The following RHOBTB1 variants were observed in gnomAD, a reference collection of about 807,000 sequenced individuals.
RHOBTB1 encodes the protein Rho related BTB domain containing 1.
RHOBTB1 carries 40 observed loss-of-function variants against 71.6 expected under a neutral mutation model. The ratio of observed to expected loss-of-function variants is 0.56; its 90% CI spans 0.43 to 0.73. The LOEUF (loss-of-function observed/expected upper bound fraction) is 0.73, where lower values mean the gene tolerates loss of function less well. Ranked by LOEUF, RHOBTB1 falls within the 30% of genes least tolerant of loss-of-function variation. RHOBTB1 has a pLI of 0.00. For missense variants in RHOBTB1, 797 were observed against 894.0 expected, an observed-to-expected ratio of 0.89 and a Z score of 1.38; for synonymous variants, 319 against 334.9, an observed-to-expected ratio of 0.95 and a Z score of 0.52.
chr10:60,919,335 A>AC (rs57642119), intron 2 of RHOBTB1, among the ~76,000 whole-genome samples: 83,606 of 152,014 alleles, frequency 0.55, 23,280 homozygotes, highest in East Asian at 0.77. Context: ...ATTGACAGGA[A>AC]AAAAGGAAAA....
chr10:60,873,169 G>A (rs548075817), intron 9 of RHOBTB1, among the ~76,000 whole-genome samples: 1 of 152,334 alleles, frequency 6.6e-6, no homozygotes, highest in South Asian at 2.1e-4. Context: ...TTTAGCTGGT[G>A]CTTCCAACTT....
At chr10:60,903,366 A>G (rs12252953) in intron 4 of RHOBTB1, among the ~76,000 whole-genome samples, 22,046 of 152,120 alleles carry the variant, frequency 0.14, 2,622 homozygotes, top group African/African-American at 0.33. Context: ...TCTCATGCCC[A>G]TGAGTCTAGT....
chr10:60,971,207 A>G (rs1411623660), intron 2 of RHOBTB1, among the ~76,000 whole-genome samples: 1 of 152,062 alleles, frequency 6.6e-6, no homozygotes, highest in African/African-American at 2.4e-5. Flanking sequence ...ACTGGTTCCA[A>G]AATAGCTGAA....
At chr10:60,903,186 C>T (rs1221829163) in intron 4 of RHOBTB1, among the ~76,000 whole-genome samples, 1 of 152,106 alleles carries the variant, frequency 6.6e-6, no homozygotes, top group Non-Finnish European at 1.5e-5. Context: ...TAGTGATTAG[C>T]TAGCTTGAGA....
intron 2 of RHOBTB1, among the ~76,000 whole-genome samples, chr10:60,939,699 C>T (rs1312040713): frequency 6.6e-6 from 1 of 152,124 alleles, no homozygotes; most frequent in African/African-American, 2.4e-5. Flanking sequence ...CAGAGGGAAA[C>T]GTGAATGGCC....
upstream of RHOBTB1, among the ~76,000 whole-genome samples, chr10:61,001,801 C>A (rs1428648369): frequency 2.0e-5 from 3 of 152,226 alleles, no homozygotes; most frequent in Non-Finnish European, 4.4e-5. Flanking sequence ...CCAGTGCCTG[C>A]GGCCTCGCCA....
intron 8 of RHOBTB1, chr10:60,877,237 C>T (rs1018397973): frequency 6.6e-6 from 1 of 152,172 alleles, no homozygotes; most frequent in Admixed American, 6.5e-5. Flanking sequence ...CCTTTTTTCT[C>T]TTTCTCCCAA....
At chr10:60,923,757 C>T (rs990698291) in intron 2 of RHOBTB1, among the ~76,000 whole-genome samples, 24 of 152,128 alleles carry the variant, frequency 1.6e-4, no homozygotes, top group African/African-American at 5.8e-4. Context: ...GGGATAGTGA[C>T]TAAGTCTCAC....
intron 2 of RHOBTB1, among the ~76,000 whole-genome samples, chr10:60,938,609 T>C (rs1270282928): frequency 6.6e-6 from 1 of 152,206 alleles, no homozygotes; most frequent in Non-Finnish European, 1.5e-5. Context: ...AAAAATGTTG[T>C]GTAGTTCAAA....
chr10:60,976,310 AT>A (rs1338448987), intron 2 of RHOBTB1, among the ~76,000 whole-genome samples: 1 of 151,560 alleles, frequency 6.6e-6, no homozygotes, highest in Admixed American at 6.6e-5. Flanking sequence ...TTTTGACTAT[AT>A]GTATATATAT....
At chr10:60,923,024 C>T (rs1472641028) in intron 2 of RHOBTB1, among the ~76,000 whole-genome samples, 1 of 152,186 alleles carries the variant, frequency 6.6e-6, no homozygotes. Context: ...TGCTTGTCTG[C>T]TCTGGAACTG....
Position 60,911,470 on chromosome 10 carries a change from C to T in RHOBTB1, c.73G>A (p.Val25Met), listed in dbSNP as rs773825770. Residue 25 changes from valine to methionine, a missense_variant, in exon 3 of 11, where the codon GTG (valine) becomes ATG (methionine). This residue lies in a region of RHOBTB1 where 139 missense variants were observed against 212.5 expected (regional missense o/e 0.65). Coordinates refer to ENST00000337910, the MANE Select transcript of RHOBTB1 (RefSeq NM_014836.5). ...IKCVVVGDNA[V>M]GKTRLICARA... is the part of the protein sequence containing the mutation. The stretch of plus-strand genomic sequence containing the variant: ...GCACAGATCAAGCGCGTCTTCCCCA[C>T]GGCATTGTCACCCACGACCACACAT... 6.2e-6 allele frequency: 10 copies of T among 1,614,212 alleles called. No homozygotes were observed. Among genetic ancestry groups the T allele is most frequent in the South Asian group, 1.1e-5 (1 of 91,086 alleles).
intron 1 of RHOBTB1, among the ~76,000 whole-genome samples, chr10:60,943,485 G>T (rs1358808123): frequency 1.3e-5 from 2 of 152,128 alleles, no homozygotes; most frequent in African/African-American, 4.8e-5. Context: ...CCATAGACAC[G>T]GGGTTGCGGG....
rs896229034 is a variant in RHOBTB1, at chr10:60,935,208, T to C, written c.-11+6596A>G. Among the ~76,000 whole-genome samples, 11 of 152,182 alleles carry C rather than the reference T, an allele frequency of 7.2e-5. 1 individual carries two copies. Among genetic ancestry groups the C allele is most frequent in the Non-Finnish European group, 4.4e-5 (3 of 68,026 alleles). On this transcript the variant is annotated intron_variant, in intron 2 of 10. Coordinates refer to ENST00000337910, the MANE Select transcript of RHOBTB1 (RefSeq NM_014836.5). ...ACATTATGGATGAATCTCACAAACA[T>C]AATATTGAAGCCAGGCACAAAAGAA...
intron 2 of RHOBTB1, among the ~76,000 whole-genome samples, chr10:60,920,764 C>T (rs1014999557): frequency 6.6e-6 from 1 of 151,958 alleles, no homozygotes. Flanking sequence ...AGGCCATCCT[C>T]TCACCTCAGC....
chr10:60,900,565 C>T (rs1200756799), intron 4 of RHOBTB1, among the ~76,000 whole-genome samples: 1 of 152,162 alleles, frequency 6.6e-6, no homozygotes, highest in Non-Finnish European at 1.5e-5. Context: ...GGATTTTGTC[C>T]TGTTCCTATT....
chr10:60,882,991 T>C (rs2081395014), intron 7 of RHOBTB1, among the ~76,000 whole-genome samples: 1 of 152,210 alleles, frequency 6.6e-6, no homozygotes, highest in South Asian at 2.1e-4. Context: ...ACAAAGGTTT[T>C]CTTGTTATCC....
upstream of RHOBTB1, among the ~76,000 whole-genome samples, chr10:60,944,456 C>A (rs1238578455): frequency 6.6e-6 from 1 of 152,200 alleles, no homozygotes; most frequent in Non-Finnish European, 1.5e-5. Context: ...ACCCGACGGG[C>A]CCGGGCACGG....
At chr10:60,944,810 T>A (rs544056190), upstream of RHOBTB1, among the ~76,000 whole-genome samples, 7 of 152,272 alleles carry the variant, frequency 4.6e-5, no homozygotes, top group East Asian at 1.4e-3. Context: ...GGCTGGCTCC[T>A]CCACTCTGGG....
Sources: gnomAD v4.1 joint callset for allele counts (sites outside exome capture counted in the v4.1 genomes callset) on GRCh38, gnomAD v4.1.1 for gene constraint, gnomAD v4.1.1 regional missense constraint, MANE v1.5 for transcripts, NCBI Gene and HGNC (gene_info 2026-07-23, HGNC 2026-07-21) for gene names.